Variants in LRRC39 observed in about 807,000 individuals in gnomAD.
LRRC39 encodes leucine rich repeat containing 39, also known as leucine-rich repeat-containing protein 39.
A neutral mutation model predicts 39.7 loss-of-function variants in LRRC39; 35 were observed. The observed-to-expected ratio is 0.88, with a 90% CI of 0.67 to 1.17. The LOEUF (loss-of-function observed/expected upper bound fraction) is 1.17, where lower values mean the gene tolerates loss of function less well. Ranked by LOEUF, LRRC39 falls within the 50% of genes most tolerant of loss-of-function variation. The pLI is 0.00. For missense variants in LRRC39, 357 were observed against 385.8 expected (o/e 0.93, Z 0.62); for synonymous variants, 113 against 134.1 (o/e 0.84, Z 1.09).
rs200449508 is a variant in LRRC39 at position 100,149,083 on chromosome 1, C to T, written c.967G>A (p.Gly323Ser). The T allele has an allele frequency of 5.6e-6, 9 of 1,601,382 alleles. No homozygotes were observed. The highest frequency in any genetic ancestry group is 2.3e-5 in the East Asian group (1 of 44,066). The change falls in exon 10 of 10, where the codon GGT becomes AGT. Residue 323 changes from glycine to serine, a missense_variant. Transcript: ENST00000370137. ...ATGGAGATTGGTAAAGTAGTTGAAC[C>T]GTTGACTTGGTGATCTGAAACATAC... is the stretch of plus-strand genomic sequence containing the variant. ...SRRRADHQVN[G>S]STTLPISINT... is the part of the protein sequence containing the mutation.
intron 2 of LRRC39, among the ~76,000 whole-genome samples, chr1:100,172,542 GC>G (rs1659692987): frequency 6.6e-6 from 1 of 151,242 alleles, no homozygotes; most frequent in Non-Finnish European, 1.5e-5. Context: ...TACAAAAAAG[GC>G]CAGGCGTGGT....
intron 9 of LRRC39, among the ~76,000 whole-genome samples, chr1:100,152,073 T>C (rs2101761979): frequency 6.6e-6 from 1 of 152,354 alleles, no homozygotes; most frequent in African/African-American, 2.4e-5. Flanking sequence ...CAAACTGCTA[T>C]GTGTGGCAAG....
At chr1:100,154,394 C>T (rs993379978) in intron 8 of LRRC39, among the ~76,000 whole-genome samples, 9 of 152,032 alleles carry the variant, frequency 5.9e-5, no homozygotes, top group African/African-American at 2.2e-4. Flanking sequence ...AAACTTGTAA[C>T]AATGGCTGTA....
At chr1:100,171,888 T>C (rs913583054) in intron 2 of LRRC39, among the ~76,000 whole-genome samples, 1 of 152,050 alleles carries the variant, frequency 6.6e-6, no homozygotes, top group African/African-American at 2.4e-5. Context: ...TTAACAAAAA[T>C]ACCACAAATC....
chr1:100,170,796 T>A (rs1183958868), intron 2 of LRRC39, among the ~76,000 whole-genome samples: 1 of 152,086 alleles, frequency 6.6e-6, no homozygotes, highest in Non-Finnish European at 1.5e-5. Context: ...CTCTGCAGCC[T>A]TGACCTCTGG....
In LRRC39 at chr1:100,172,030, A is replaced by C. The variant is rs551877544; in HGVS notation, c.-79+1301T>G. On this transcript the variant is annotated intron_variant, in intron 2 of 9. Coordinates refer to ENST00000370137, the MANE Select transcript of LRRC39 (RefSeq NM_144620.4). ...ATAAAACAAACACAAAGAAAACAGA[A>C]GAAAGGGAATATTATAGATAAACAC... Among the ~76,000 whole-genome samples the C allele has an allele frequency of 4.6e-5, 7 of 152,310 alleles. No individual in the cohort carries two copies. In the East Asian group the frequency reaches 1.3e-3, roughly 29 times the overall value.
intron 3 of LRRC39, among the ~76,000 whole-genome samples, chr1:100,163,609 A>T (rs1343914141): frequency 6.6e-6 from 1 of 151,830 alleles, no homozygotes; most frequent in Non-Finnish European, 1.5e-5. Context: ...AAAAAAAAAA[A>T]AAAAATTGAG....
rs766992167 is a variant in LRRC39, at chr1:100,159,427, G to T, written c.220-12C>A. Reference sequence around the variant, plus strand: ...GAAGAAGGGAGGGTCTACAGTAAAAGAAATGATGGTTGTTGTATATTACTT... The same window carrying T: ...GAAGAAGGGAGGGTCTACAGTAAAATAAATGATGGTTGTTGTATATTACTT... On this transcript the variant is annotated splice_polypyrimidine_tract_variant and intron_variant, in intron 4 of 9. Transcript: ENST00000370137. 24 of 1,576,418 alleles carry T rather than the reference G, an allele frequency of 1.5e-5. No homozygotes were observed. In the South Asian group the frequency reaches 2.3e-4, roughly 15 times the overall value.
intron 1 of LRRC39, among the ~76,000 whole-genome samples, chr1:100,176,787 G>T (rs922450736): frequency 6.6e-6 from 1 of 152,192 alleles, no homozygotes; most frequent in African/African-American, 2.4e-5. Context: ...CTATGTATTG[G>T]TCTTAAACTT....
intron 1 of LRRC39, among the ~76,000 whole-genome samples, chr1:100,176,230 C>T (rs946934563): frequency 4.6e-5 from 7 of 152,132 alleles, no homozygotes; most frequent in Non-Finnish European, 7.3e-5. Flanking sequence ...AGTTCAAGAC[C>T]AGCCTGACCA....
intron 8 of LRRC39, 40 bp from the exon 9 acceptor site, chr1:100,152,564 T>C (rs763299828): frequency 3.8e-6 from 6 of 1,597,858 alleles, no homozygotes; most frequent in South Asian, 3.4e-5. Flanking sequence ...ATAGGTGTCA[T>C]GGAAGTGTAC....
chr1:100,152,324 A>G (rs1354434652), intron 9 of LRRC39, 61 bp downstream of exon 9: 2 of 1,442,676 alleles, frequency 1.4e-6, no homozygotes, highest in African/African-American at 2.8e-5. Flanking sequence ...GGCAGCAGTT[A>G]GTGATACACA....
At chr1:100,168,755 T>C in intron 2 of LRRC39, 161 bp from the exon 3 acceptor site, 2 of 363,208 alleles carry the variant, frequency 5.5e-6, no homozygotes, top group Non-Finnish European at 9.7e-6. Flanking sequence ...AATACTATAA[T>C]ATAGGTACTT....
chr1:100,179,490 T>C (rs1179685035), upstream of LRRC39, among the ~76,000 whole-genome samples: 1 of 92,284 alleles, frequency 1.1e-5, no homozygotes, highest in Non-Finnish European at 1.9e-5. Context: ...AGTGAGACCC[T>C]GTATCTACCA....
intron 3 of LRRC39, 122 bp from the exon 4 acceptor site, chr1:100,160,693 C>T (rs890319241): frequency 1.1e-5 from 7 of 609,276 alleles, no homozygotes; most frequent in East Asian, 3.1e-5. Flanking sequence ...GGCCCGATCT[C>T]GGCCCACTGC....
Position 100,156,329 on chromosome 1 carries a change from A to G in LRRC39, c.514-12T>C. On this transcript the variant is annotated splice_polypyrimidine_tract_variant and intron_variant, in intron 6 of 9. Transcript: ENST00000370137. ...AGCAGATTGCTGAGCTGAAGAAGAA[A>G]GCAAGGTTTTTCAAAATAAATGTCC... The G allele has an allele frequency of 6.3e-7, 1 of 1,586,794 alleles. No individual in the cohort carries two copies. The highest frequency in any genetic ancestry group is 1.1e-5 in the South Asian group (1 of 87,500).
At chr1:100,166,764 T>C (rs1216984070) in intron 3 of LRRC39, among the ~76,000 whole-genome samples, 1 of 152,214 alleles carries the variant, frequency 6.6e-6, no homozygotes. Context: ...TCAAGCTGGC[T>C]GCAGAAATTT....
intron 3 of LRRC39, among the ~76,000 whole-genome samples, chr1:100,162,084 G>A (rs757638085): frequency 6.6e-6 from 1 of 151,942 alleles, no homozygotes; most frequent in Non-Finnish European, 1.5e-5. Flanking sequence ...TTTTATTATA[G>A]CCATCTAGTG....
chr1:100,149,478 T>C (rs1657736607), intron 9 of LRRC39: 8 of 1,508,358 alleles, frequency 5.3e-6, no homozygotes, highest in Non-Finnish European at 7.1e-6. Context: ...ATTATTTTGT[T>C]GGATAATTGT....
Sources: gnomAD v4.1 joint callset for allele counts (sites outside exome capture counted in the v4.1 genomes callset) on GRCh38, gnomAD v4.1.1 for gene constraint, MANE v1.5 for transcripts, NCBI Gene and HGNC (gene_info 2026-07-23, HGNC 2026-07-21) for gene names.